Variants in ARL3 observed in about 807,000 individuals in gnomAD.
ARL3 encodes the protein ADP-ribosylation factor-like protein 3.
In ARL3, 9 loss-of-function variants were observed where a neutral mutation model predicts 26.0. The ratio of observed to expected loss-of-function variants is 0.35; its 90% CI spans 0.21 to 0.60. The LOEUF (loss-of-function observed/expected upper bound fraction) is 0.60, where lower values mean the gene tolerates loss of function less well. Among genes scored for constraint, ARL3 ranks in the 20% least tolerant of loss-of-function variants. The probability of loss-of-function intolerance (pLI) is 0.78; values close to 1 mark genes in which losing one functional copy is unlikely to be tolerated. For synonymous variants in ARL3, 71 were observed against 78.4 expected (o/e 0.91, Z 0.50); for missense variants, 158 against 215.7 (o/e 0.73, Z 1.67).
intron 1 of ARL3, among the ~76,000 whole-genome samples, chr10:102,708,578 C>T (rs547376825): frequency 1.2e-4 from 18 of 151,902 alleles, no homozygotes; most frequent in Middle Eastern, 3.4e-3. Flanking sequence ...TTTTTTTGGC[C>T]GGGTGTGGTG....
chr10:102,705,324 C>T, intron 2 of ARL3, 22 bp downstream of exon 2: 2 of 1,533,314 alleles, frequency 1.3e-6, no homozygotes, highest in South Asian at 2.4e-5. Context: ...CACACGGCAT[C>T]TGGAGCCAAG....
intron 5 of ARL3, among the ~76,000 whole-genome samples, chr10:102,683,535 C>T (rs970926904): frequency 2.6e-5 from 4 of 152,140 alleles, no homozygotes; most frequent in Non-Finnish European, 4.4e-5. Flanking sequence ...TTTGTTGGAT[C>T]TCTCTTGATA....
At chr10:102,680,289 T>A (rs1400576125) in intron 5 of ARL3, among the ~76,000 whole-genome samples, 1 of 152,208 alleles carries the variant, frequency 6.6e-6, no homozygotes, top group African/African-American at 2.4e-5. Flanking sequence ...TCTGTACATT[T>A]GATCTTCATT....
intron 2 of ARL3, among the ~76,000 whole-genome samples, chr10:102,701,445 G>A (rs994972189): frequency 6.6e-6 from 1 of 152,180 alleles, no homozygotes; most frequent in Admixed American, 6.5e-5. Flanking sequence ...ACAGTCTCTG[G>A]AGGATAACTG....
chr10:102,687,389 C>T (rs896045062), intron 4 of ARL3, among the ~76,000 whole-genome samples: 33 of 151,804 alleles, frequency 2.2e-4, no homozygotes, highest in African/African-American at 7.3e-4. Flanking sequence ...GTGATTGCCA[C>T]CATGCCCAGC....
Position 102,681,033 on chromosome 10 carries a change from T to C in ARL3, c.502-4092A>G, listed in dbSNP as rs186512054. The stretch of plus-strand genomic sequence containing the variant: ...TCTGACTCACAGATAAGCAGTTCCA[T>C]ATACACCTGGAGTCAACAATAACTG... On this transcript the variant is annotated intron_variant, in intron 5 of 5. Coordinates refer to ENST00000260746, the MANE Select transcript of ARL3 (RefSeq NM_004311.4). Among the ~76,000 whole-genome samples, 8 of 152,292 alleles carry C rather than the reference T, an allele frequency of 5.3e-5. No individual in the cohort carries two copies. The East Asian group carries it at 1.5e-3, about 29-fold the overall frequency.
At chr10:102,711,347 T>C (rs2064338671) in intron 1 of ARL3, among the ~76,000 whole-genome samples, 1 of 151,308 alleles carries the variant, frequency 6.6e-6, no homozygotes, top group Non-Finnish European at 1.5e-5. Context: ...TATATATATA[T>C]ATATATGTAT....
chr10:102,708,500 C>T (rs2064320781), intron 1 of ARL3, among the ~76,000 whole-genome samples: 1 of 152,110 alleles, frequency 6.6e-6, no homozygotes, highest in African/African-American at 2.4e-5. Context: ...AGGCAAAGTT[C>T]TTCTCATGCA....
intron 3 of ARL3, 86 bp downstream of exon 3, chr10:102,699,287 A>C: frequency 1.2e-6 from 1 of 851,314 alleles, no homozygotes; most frequent in Non-Finnish European, 2.0e-6. Context: ...TGGTGGAATT[A>C]CTGACAAGAA....
intron 3 of ARL3, among the ~76,000 whole-genome samples, chr10:102,698,903 T>C (rs1364727106): frequency 6.6e-6 from 1 of 152,218 alleles, no homozygotes; most frequent in Non-Finnish European, 1.5e-5. Flanking sequence ...CCCTCTGACT[T>C]AAGATAATTC....
chr10:102,709,495 A>G (rs2064326882), intron 1 of ARL3, among the ~76,000 whole-genome samples: 1 of 151,448 alleles, frequency 6.6e-6, no homozygotes, highest in South Asian at 2.1e-4. Context: ...AAAAAAAAAA[A>G]AATTATCCAG....
At chr10:102,711,456 A>G (rs1254999480) in intron 1 of ARL3, among the ~76,000 whole-genome samples, 1 of 151,966 alleles carries the variant, frequency 6.6e-6, no homozygotes, top group African/African-American at 2.4e-5. Flanking sequence ...AGTTTCAGCT[A>G]GAAAATAGGA....
At chr10:102,698,054 CAGG>C (rs1392754935) in intron 3 of ARL3, among the ~76,000 whole-genome samples, 5 of 152,012 alleles carry the variant, frequency 3.3e-5, no homozygotes, top group African/African-American at 9.7e-5. Context: ...GATGTATGGT[CAGG>C]AGGAGTTTTC....
chr10:102,689,029 G>A (rs2064202676), intron 4 of ARL3, among the ~76,000 whole-genome samples: 1 of 152,138 alleles, frequency 6.6e-6, no homozygotes, highest in South Asian at 2.1e-4. Context: ...GCTTTAATTA[G>A]AAAACTGTTT....
At chr10:102,702,186 C>T (rs987324118) in intron 2 of ARL3, among the ~76,000 whole-genome samples, 6 of 151,772 alleles carry the variant, frequency 4.0e-5, no homozygotes, top group Admixed American at 3.3e-4. Flanking sequence ...AGTGAAACCC[C>T]GTCTCTAAAA....
intron 3 of ARL3, among the ~76,000 whole-genome samples, chr10:102,690,505 CG>C (rs977964579): frequency 6.6e-6 from 1 of 151,856 alleles, no homozygotes; most frequent in Non-Finnish European, 1.5e-5. Context: ...AGGCTGGTCT[CG>C]AACTCCTGAC....
intron 4 of ARL3, among the ~76,000 whole-genome samples, chr10:102,686,234 G>A (rs1373095968): frequency 6.6e-6 from 1 of 151,728 alleles, no homozygotes; most frequent in Admixed American, 6.6e-5. Context: ...ACCACACTCA[G>A]CTAATTTTTG....
intron 4 of ARL3, among the ~76,000 whole-genome samples, chr10:102,688,923 T>C (rs1454673457): frequency 6.6e-6 from 1 of 152,250 alleles, no homozygotes; most frequent in Non-Finnish European, 1.5e-5. Context: ...GGGTTCGTTT[T>C]CACATGGCCT....
At chr10:102,682,358 T>C (rs1471328069) in intron 5 of ARL3, among the ~76,000 whole-genome samples, 2 of 152,148 alleles carry the variant, frequency 1.3e-5, no homozygotes, top group African/African-American at 4.8e-5. Context: ...TGGGCTGGCT[T>C]CCCAGTCAGC....
Sources: allele counts gnomAD v4.1 joint callset (sites outside exome capture counted in the v4.1 genomes callset), GRCh38; gene constraint gnomAD v4.1.1; transcripts MANE v1.5; gene names NCBI Gene and HGNC (gene_info 2026-07-23, HGNC 2026-07-21).